Variants in KCNJ12 observed in about 807,000 individuals in gnomAD.
KCNJ12 encodes the protein potassium inwardly rectifying channel subfamily J member 12, also known as ATP-sensitive inward rectifier potassium channel 12.
Under a neutral mutation model 22.3 loss-of-function variants are expected in KCNJ12, and 2 were observed. That is an observed-to-expected ratio of 0.09 (90% CI 0.04 to 0.28). KCNJ12 has a LOEUF of 0.28. Among genes scored for constraint, KCNJ12 ranks in the 10% least tolerant of loss-of-function variants. KCNJ12 has a pLI of 1.00. For missense variants in KCNJ12, 155 were observed against 633.3 expected, an observed-to-expected ratio of 0.24 and a Z score of 8.11; for synonymous variants, 117 against 261.4, an observed-to-expected ratio of 0.45 and a Z score of 5.33.
At chr17:21,388,274 G>A (rs552783726) in intron 1 of KCNJ12, among the ~76,000 whole-genome samples, 5 of 152,266 alleles carry the variant, frequency 3.3e-5, no homozygotes, top group East Asian at 1.9e-4. Flanking sequence ...GGGGAGCAGC[G>A]GCCTCGCTTC....
intron 1 of KCNJ12, among the ~76,000 whole-genome samples, chr17:21,400,837 G>A (rs1398332656): frequency 1.3e-5 from 2 of 152,304 alleles, no homozygotes; most frequent in Non-Finnish European, 2.9e-5. Context: ...TTTAAAATGT[G>A]TGATCTAGTA....
intron 1 of KCNJ12, among the ~76,000 whole-genome samples, chr17:21,389,685 G>C (rs527312982): frequency 2.0e-5 from 3 of 152,246 alleles, no homozygotes; most frequent in African/African-American, 7.2e-5. Context: ...CGGTTTCCTG[G>C]GGAAGAGGCC....
intron 1 of KCNJ12, among the ~76,000 whole-genome samples, chr17:21,387,216 G>C (rs1905096649): frequency 6.6e-6 from 1 of 151,644 alleles, no homozygotes; most frequent in Non-Finnish European, 1.5e-5. Context: ...GCCGAGGTGG[G>C]CAGATCACGA....
chr17:21,390,030 C>T (rs1447908640), intron 1 of KCNJ12, among the ~76,000 whole-genome samples: 4 of 152,128 alleles, frequency 2.6e-5, no homozygotes, highest in Admixed American at 6.5e-5. Context: ...CTCTCTTTCT[C>T]GGGCCCAGCT....
intron 1 of KCNJ12, among the ~76,000 whole-genome samples, chr17:21,403,041 A>G (rs558647100): frequency 6.6e-6 from 1 of 152,426 alleles, no homozygotes; most frequent in African/African-American, 2.4e-5. Context: ...ACTGGGTCCT[A>G]GGGGCTCAAG....
chr17:21,402,104 C>A (rs1905650254), intron 1 of KCNJ12, among the ~76,000 whole-genome samples: 1 of 152,294 alleles, frequency 6.6e-6, no homozygotes, highest in Non-Finnish European at 1.5e-5. Flanking sequence ...GTCTCGCCAT[C>A]CATCTGCTGT....
chr17:21,407,284 A>C (rs1372967560), intron 1 of KCNJ12, among the ~76,000 whole-genome samples: 2 of 149,078 alleles, frequency 1.3e-5, no homozygotes, highest in Non-Finnish European at 3.0e-5. Flanking sequence ...ACCCACCCAT[A>C]CACTCATCCA....
chr17:21,401,987 T>G lies in KCNJ12; in HGVS notation c.-178-6532T>G, dbSNP rs374585965. On this transcript the variant is annotated intron_variant, in intron 1 of 2. Coordinates refer to ENST00000583088, the MANE Select transcript of KCNJ12 (RefSeq NM_021012.5). ...GGAAGAGAGGGCCTTGGGTAGTGTCTGGCATGCAGCTTCCTCTGAGCGCCA... is the reference window on the plus strand; with the variant it reads ...GGAAGAGAGGGCCTTGGGTAGTGTCGGGCATGCAGCTTCCTCTGAGCGCCA... 3.8e-4 allele frequency among the ~76,000 whole-genome samples: 58 copies of G among 152,350 alleles called. 1 individual carries two copies. Among genetic ancestry groups the G allele is most frequent in the African/African-American group, 1.3e-3 (53 of 41,580 alleles).
At chr17:21,394,620 G>A (rs538645020) in intron 1 of KCNJ12, among the ~76,000 whole-genome samples, 4 of 152,326 alleles carry the variant, frequency 2.6e-5, no homozygotes, top group East Asian at 1.9e-4. Context: ...TGCCTGCCCT[G>A]TGCTGGGTGA....
intron 2 of KCNJ12, among the ~76,000 whole-genome samples, chr17:21,411,751 C>T (rs1281314211): frequency 1.8e-4 from 28 of 152,406 alleles, no homozygotes; most frequent in African/African-American, 6.3e-4. Flanking sequence ...TCACTGTATG[C>T]ACCCCATTGA....
At chr17:21,381,417 C>T (rs1555557923) in intron 1 of KCNJ12, among the ~76,000 whole-genome samples, 6 of 152,224 alleles carry the variant, frequency 3.9e-5, no homozygotes, top group Non-Finnish European at 8.8e-5. Flanking sequence ...CCACCACACT[C>T]CTCCCTGGGA....
chr17:21,391,861 G>C (rs541205345), intron 1 of KCNJ12, among the ~76,000 whole-genome samples: 1 of 152,222 alleles, frequency 6.6e-6, no homozygotes, highest in African/African-American at 2.4e-5. Context: ...GACCTCCCCT[G>C]CCACCAGGCC....
At chr17:21,386,429 C>T (rs1170934064) in intron 1 of KCNJ12, among the ~76,000 whole-genome samples, 2 of 152,230 alleles carry the variant, frequency 1.3e-5, no homozygotes, top group African/African-American at 4.8e-5. Context: ...ATCCTCCTGC[C>T]TTAATCTCCC....
At chr17:21,391,537 G>C (rs1555559306) in intron 1 of KCNJ12, among the ~76,000 whole-genome samples, 1 of 152,260 alleles carries the variant, frequency 6.6e-6, no homozygotes, top group African/African-American at 2.4e-5. Flanking sequence ...CACCTGGTTT[G>C]TCTGAACCTG....
At position 21,416,983 on chromosome 17, in the gene KCNJ12, C is replaced by T; in HGVS notation, c.*339C>T. 1 of 404,456 alleles carries T rather than the reference C, an allele frequency of 2.5e-6. No homozygotes were observed. The highest frequency in any genetic ancestry group is 4.6e-6 in the Non-Finnish European group (1 of 218,562). 25.1% of individuals were successfully genotyped at this position (404,456 alleles called of 1,614,324 possible). A position where few individuals can be genotyped will look rare whatever the true frequency, so the allele number is the denominator to read the frequency against. On this transcript the variant is annotated 3_prime_UTR_variant, in exon 3 of 3. Coordinates refer to ENST00000583088, the MANE Select transcript of KCNJ12 (RefSeq NM_021012.5). ...GATGGTGGGCCCAGCCTCTGCTGTC[C>T]AAGGCTGGCTAGCTGCGGTGCTCCT...
intron 1 of KCNJ12, among the ~76,000 whole-genome samples, chr17:21,391,293 T>A (rs78877164): frequency 6.6e-6 from 1 of 152,304 alleles, no homozygotes; most frequent in African/African-American, 2.4e-5. Flanking sequence ...GATCTCTCCA[T>A]GTACCTAGAG....
chr17:21,402,691 A>G (rs1230911595), intron 1 of KCNJ12, among the ~76,000 whole-genome samples: 2 of 152,310 alleles, frequency 1.3e-5, no homozygotes, highest in African/African-American at 4.8e-5. Flanking sequence ...AAAATAAAAG[A>G]AGGAAGCTAA....
intron 1 of KCNJ12, among the ~76,000 whole-genome samples, chr17:21,393,867 C>T (rs1295851720): frequency 6.6e-6 from 1 of 152,238 alleles, no homozygotes; most frequent in Non-Finnish European, 1.5e-5. Flanking sequence ...TGCATCCTCC[C>T]AGGGCCACTC....
At chr17:21,387,403 T>C (rs1161036835) in intron 1 of KCNJ12, among the ~76,000 whole-genome samples, 18 of 121,040 alleles carry the variant, frequency 1.5e-4, no homozygotes, top group Admixed American at 7.4e-4. Flanking sequence ...GATCGCGCCA[T>C]AGCACTCCAG....
Sources: allele counts gnomAD v4.1 joint callset (sites outside exome capture counted in the v4.1 genomes callset), GRCh38; gene constraint gnomAD v4.1.1; transcripts MANE v1.5; gene names NCBI Gene and HGNC (gene_info 2026-07-23, HGNC 2026-07-21).